Variants in HS6ST3 observed in about 807,000 individuals in gnomAD.
HS6ST3 encodes heparan-sulfate 6-O-sulfotransferase 3.
Under a neutral mutation model 36.7 loss-of-function variants are expected in HS6ST3, and 12 were observed. That is an observed-to-expected ratio of 0.33 (90% CI 0.21 to 0.53). The LOEUF is 0.53. HS6ST3 is among the 20% of genes least tolerant of loss of function. HS6ST3 has a pLI of 0.95. For missense variants in HS6ST3, 584 were observed against 640.9 expected (o/e 0.91, Z 0.96); for synonymous variants, 240 against 257.5 (o/e 0.93, Z 0.65).
chr13:96,276,844 A>G (rs1013571357), intron 1 of HS6ST3, among the ~76,000 whole-genome samples: 6 of 152,152 alleles, frequency 3.9e-5, no homozygotes, highest in Admixed American at 1.3e-4. Flanking sequence ...AGGCTCAGGA[A>G]CCTGCATTTT....
intron 1 of HS6ST3, among the ~76,000 whole-genome samples, chr13:96,123,662 G>A (rs900424849): frequency 9.2e-5 from 14 of 152,266 alleles, no homozygotes; most frequent in South Asian, 2.1e-4. Context: ...GAAGTCTGGC[G>A]TTGAATATGA....
chr13:96,722,988 C>CGTGTGT (rs34651683), intron 1 of HS6ST3, among the ~76,000 whole-genome samples: 14,572 of 143,584 alleles, frequency 0.1, 756 homozygotes, highest in Middle Eastern at 0.13. Flanking sequence ...AAAAAATATA[C>CGTGTGT]GTGTGTGTGT....
chr13:96,123,825 A>C (rs2053938040), intron 1 of HS6ST3, among the ~76,000 whole-genome samples: 1 of 152,122 alleles, frequency 6.6e-6, no homozygotes, highest in Admixed American at 6.6e-5. Context: ...TAATTTTCAC[A>C]ATGAGTGGAG....
At chr13:96,815,527 G>T (rs1257739057) in intron 1 of HS6ST3, among the ~76,000 whole-genome samples, 1 of 152,090 alleles carries the variant, frequency 6.6e-6, no homozygotes, top group Non-Finnish European at 1.5e-5. Flanking sequence ...TGTGTTGATT[G>T]GTAAAAATCA....
chr13:96,656,930 C>T (rs2056627239), intron 1 of HS6ST3, among the ~76,000 whole-genome samples: 1 of 141,244 alleles, frequency 7.1e-6, no homozygotes, highest in African/African-American at 2.7e-5. Context: ...GTGTTATGGC[C>T]AGATGGATTA....
chr13:96,103,840 A>C lies in HS6ST3; in HGVS notation c.707+12271A>C, dbSNP rs531098133. ...TTAGAGTAATGAGCAGTTCCTTTTA[A>C]AACAGGACATTCTATATCATAAATG... On this transcript the variant is annotated intron_variant, in intron 1 of 1. Coordinates refer to ENST00000376705, the MANE Select transcript of HS6ST3 (RefSeq NM_153456.4). 3.1e-4 allele frequency among the ~76,000 whole-genome samples: 47 copies of C among 152,320 alleles called. No homozygotes were observed. The East Asian group carries it at 3.7e-3, about 12-fold the overall frequency.
chr13:96,461,204 T>C (rs1319250294), intron 1 of HS6ST3, among the ~76,000 whole-genome samples: 1 of 152,232 alleles, frequency 6.6e-6, no homozygotes, highest in Non-Finnish European at 1.5e-5. Context: ...ATTTATTTAC[T>C]CATTTATTCA....
intron 1 of HS6ST3, among the ~76,000 whole-genome samples, chr13:96,393,132 G>A (rs1391400942): frequency 6.6e-6 from 1 of 152,058 alleles, no homozygotes; most frequent in Non-Finnish European, 1.5e-5. Flanking sequence ...CATGTAAGAC[G>A]TGCCTTTCAC....
chr13:96,706,672 C>A (rs748411906), intron 1 of HS6ST3, among the ~76,000 whole-genome samples: 1 of 151,932 alleles, frequency 6.6e-6, no homozygotes, highest in Non-Finnish European at 1.5e-5. Context: ...TTGCCCCCAA[C>A]AATCCATCGT....
At chr13:96,153,051 C>CT (rs1200913970) in intron 1 of HS6ST3, among the ~76,000 whole-genome samples, 1 of 152,296 alleles carries the variant, frequency 6.6e-6, no homozygotes, top group Admixed American at 6.5e-5. Context: ...CCTCCCAGAG[C>CT]TTTTACCAGT....
chr13:96,245,568 C>T (rs2054580920), intron 1 of HS6ST3, among the ~76,000 whole-genome samples: 1 of 152,042 alleles, frequency 6.6e-6, no homozygotes, highest in South Asian at 2.1e-4. Context: ...TTGGTTGCTC[C>T]CTACAGATTA....
At chr13:96,344,986 A>T (rs1477280948) in intron 1 of HS6ST3, among the ~76,000 whole-genome samples, 1 of 152,192 alleles carries the variant, frequency 6.6e-6, no homozygotes, top group East Asian at 1.9e-4. Flanking sequence ...AAAGTAATAG[A>T]GCATGATCAT....
intron 1 of HS6ST3, among the ~76,000 whole-genome samples, chr13:96,108,952 C>CCTATCTCTATCT (rs145081903): frequency 0.079 from 11,608 of 147,836 alleles, 615 homozygotes; most frequent in African/African-American, 0.14. Flanking sequence ...GACAACCACT[C>CCTATCTCTATCT]CTATCTCTAT....
At chr13:96,488,285 A>T (rs2055925738) in intron 1 of HS6ST3, among the ~76,000 whole-genome samples, 1 of 151,992 alleles carries the variant, frequency 6.6e-6, no homozygotes, top group African/African-American at 2.4e-5. Flanking sequence ...AAACATTCCT[A>T]ATCTGTTCCA....
At chr13:96,390,668 G>C (rs995434030) in intron 1 of HS6ST3, among the ~76,000 whole-genome samples, 1 of 152,096 alleles carries the variant, frequency 6.6e-6, no homozygotes, top group Non-Finnish European at 1.5e-5. Flanking sequence ...CCCTTCTCTT[G>C]TCTACAACAC....
chr13:96,288,979 G>T (rs995455167), intron 1 of HS6ST3, among the ~76,000 whole-genome samples: 1 of 151,890 alleles, frequency 6.6e-6, no homozygotes, highest in Non-Finnish European at 1.5e-5. Context: ...GATTATAAGA[G>T]AAATATTCAA....
At chr13:96,241,925 A>G (rs2054562426) in intron 1 of HS6ST3, among the ~76,000 whole-genome samples, 1 of 151,352 alleles carries the variant, frequency 6.6e-6, no homozygotes, top group Non-Finnish European at 1.5e-5. Context: ...AGCTGGGACC[A>G]CAGGCGTCCA....
At chr13:96,190,051 T>C (rs2054281952) in intron 1 of HS6ST3, among the ~76,000 whole-genome samples, 1 of 152,218 alleles carries the variant, frequency 6.6e-6, no homozygotes, top group Non-Finnish European at 1.5e-5. Flanking sequence ...TCACCTGGCA[T>C]TTATTGAACC....
intron 1 of HS6ST3, among the ~76,000 whole-genome samples, chr13:96,613,874 A>T (rs1375607710): frequency 1.3e-5 from 2 of 152,190 alleles, no homozygotes; most frequent in African/African-American, 4.8e-5. Context: ...ATATTTGATG[A>T]GGAATGTTAA....
Sources: gnomAD v4.1 joint callset for allele counts (sites outside exome capture counted in the v4.1 genomes callset) on GRCh38, gnomAD v4.1.1 for gene constraint, MANE v1.5 for transcripts, NCBI Gene and HGNC (gene_info 2026-07-23, HGNC 2026-07-21) for gene names.